Variants in NRXN3 observed in about 807,000 individuals in gnomAD.
NRXN3 encodes neurexin III.
Under a neutral mutation model 137.6 loss-of-function variants are expected in NRXN3, and 32 were observed. The ratio of observed to expected loss-of-function variants is 0.23; its 90% CI spans 0.18 to 0.31. NRXN3 has a LOEUF of 0.31. Ranked by LOEUF, NRXN3 falls within the 10% of genes least tolerant of loss-of-function variation. The pLI is 1.00. For synonymous variants in NRXN3, 798 were observed against 784.5 expected (o/e 1.02, Z -0.29); for missense variants, 1,574 against 2,062.5 (o/e 0.76, Z 4.59).
At chr14:79,651,107 C>T (rs1377131427) in intron 16 of NRXN3, among the ~76,000 whole-genome samples, 1 of 152,168 alleles carries the variant, frequency 6.6e-6, no homozygotes, top group Non-Finnish European at 1.5e-5. Flanking sequence ...TCTAGGACTT[C>T]AATTTGAGTC....
intron 15 of NRXN3, among the ~76,000 whole-genome samples, chr14:79,414,324 C>A (rs754395970): frequency 1.3e-5 from 2 of 152,114 alleles, no homozygotes; most frequent in Admixed American, 1.3e-4. Flanking sequence ...GTTCAGCTCT[C>A]CCTTTTCTTA....
At chr14:79,017,080 A>G (rs980664945) in intron 15 of NRXN3, among the ~76,000 whole-genome samples, 1 of 152,116 alleles carries the variant, frequency 6.6e-6, no homozygotes, top group African/African-American at 2.4e-5. Flanking sequence ...AAGCAATGTC[A>G]ATTTCTGTCC....
In NRXN3 at chr14:79,265,711, T is replaced by C. The variant is rs144950426; in HGVS notation, c.3263-201510T>C. 4.3e-3 allele frequency among the ~76,000 whole-genome samples: 662 copies of C among 152,224 alleles called. 5 individuals carry two copies. Among genetic ancestry groups the C allele is most frequent in the South Asian group, 0.017 (81 of 4,826 alleles). On this transcript the variant is annotated intron_variant, in intron 15 of 20. Transcript: ENST00000335750. ...CCGACAAGGTATACATTTTAGGAAATTACATCTATCAGGCACAATGACTCC... is the reference window on the plus strand; with the variant it reads ...CCGACAAGGTATACATTTTAGGAAACTACATCTATCAGGCACAATGACTCC...
chr14:78,357,514 G>A (rs916972340), intron 4 of NRXN3, among the ~76,000 whole-genome samples: 1 of 152,080 alleles, frequency 6.6e-6, no homozygotes, highest in Non-Finnish European at 1.5e-5. Context: ...TTTAGGCTTT[G>A]TTTCCCTACT....
At chr14:78,804,895 C>T (rs112861554) in intron 9 of NRXN3, among the ~76,000 whole-genome samples, 1,531 of 152,156 alleles carry the variant, frequency 0.01, 12 homozygotes, top group Admixed American at 0.017. Context: ...TATTTGGGTA[C>T]GTAGAATATG....
chr14:79,698,144 A>T (rs2098741951), intron 19 of NRXN3, among the ~76,000 whole-genome samples: 1 of 152,004 alleles, frequency 6.6e-6, no homozygotes, highest in African/African-American at 2.4e-5. Flanking sequence ...CTGGGTTGTT[A>T]TTCTTATTGT....
chr14:78,382,930 G>A lies in NRXN3; in HGVS notation c.757+85070G>A, dbSNP rs560143685. Among the ~76,000 whole-genome samples, 6 of 152,242 alleles carry A rather than the reference G, an allele frequency of 3.9e-5. No individual in the cohort carries two copies. The South Asian group carries it at 1.2e-3, about 32-fold the overall frequency. ...TGCAGGAGTGTGTGTGTGGGGAGGA[G>A]GGGGGCAATCTCCCTCTGCTTATTA... is the stretch of plus-strand genomic sequence containing the variant. On this transcript the variant is annotated intron_variant, in intron 4 of 20. Transcript: ENST00000335750.
At chr14:79,399,525 T>TCTGA (rs2095128887) in intron 15 of NRXN3, among the ~76,000 whole-genome samples, 1 of 152,192 alleles carries the variant, frequency 6.6e-6, no homozygotes, top group Non-Finnish European at 1.5e-5. Flanking sequence ...AGATGTGGTC[T>TCTGA]CTGACTCCAG....
intron 19 of NRXN3, among the ~76,000 whole-genome samples, chr14:79,800,349 T>C (rs1335458449): frequency 6.6e-6 from 1 of 152,162 alleles, no homozygotes; most frequent in African/African-American, 2.4e-5. Flanking sequence ...TTGGTTACAG[T>C]GAATACTAAA....
intron 1 of NRXN3, among the ~76,000 whole-genome samples, chr14:78,195,508 T>G (rs2061146750): frequency 6.6e-6 from 1 of 152,266 alleles, no homozygotes; most frequent in African/African-American, 2.4e-5. Flanking sequence ...CAGAAGTGAC[T>G]GCCAGGAAGG....
At chr14:78,272,872 A>G (rs551658299) in intron 2 of NRXN3, among the ~76,000 whole-genome samples, 2 of 152,256 alleles carry the variant, frequency 1.3e-5, no homozygotes, top group Non-Finnish European at 2.9e-5. Context: ...GATGATGCAT[A>G]TGACCTAGGG....
intron 15 of NRXN3, among the ~76,000 whole-genome samples, chr14:79,054,867 T>C (rs1462969837): frequency 1.3e-5 from 2 of 152,210 alleles, no homozygotes; most frequent in African/African-American, 4.8e-5. Context: ...TGAAGGCTAC[T>C]GGAATAGAAG....
chr14:78,737,725 A>G (rs1420962434), intron 8 of NRXN3, among the ~76,000 whole-genome samples: 1 of 152,142 alleles, frequency 6.6e-6, no homozygotes, highest in African/African-American at 2.4e-5. Context: ...CTCTCTTTCT[A>G]TTCAAGAGCA....
intron 10 of NRXN3, among the ~76,000 whole-genome samples, chr14:78,935,645 C>A (rs2099335408): frequency 6.6e-6 from 1 of 152,088 alleles, no homozygotes; most frequent in African/African-American, 2.4e-5. Flanking sequence ...TATTTTAAAT[C>A]CAGAGCTGGT....
At position 78,763,819 on chromosome 14, in the gene NRXN3, A is replaced by G. The variant is rs554946348; in HGVS notation, c.2045-39801A>G. ...ACCACCTACCTGGAGTAAGGATTCTATTGGGTGCAAGAAGCTCCCTTTGCT... is the reference window on the plus strand; with the variant it reads ...ACCACCTACCTGGAGTAAGGATTCTGTTGGGTGCAAGAAGCTCCCTTTGCT... On this transcript the variant is annotated intron_variant, in intron 8 of 20. Coordinates refer to ENST00000335750, the MANE Select transcript of NRXN3 (RefSeq NM_001330195.2). 1.2e-4 allele frequency among the ~76,000 whole-genome samples: 19 copies of G among 152,318 alleles called. No homozygotes were observed. The South Asian group carries it at 3.5e-3, about 28-fold the overall frequency.
At chr14:79,504,641 T>TATATATATA (rs1555491923) in intron 16 of NRXN3, among the ~76,000 whole-genome samples, 1 of 97,876 alleles carries the variant, frequency 1.0e-5, no homozygotes, top group African/African-American at 3.7e-5. Context: ...ATGAAGTTTT[T>TATATATATA]TATATATATA....
At chr14:79,545,692 T>C (rs1191070534) in intron 16 of NRXN3, among the ~76,000 whole-genome samples, 4 of 152,014 alleles carry the variant, frequency 2.6e-5, no homozygotes. Flanking sequence ...GTTGTTGTTT[T>C]TTCACCAGGA....
intron 15 of NRXN3, among the ~76,000 whole-genome samples, chr14:79,130,311 TG>T (rs1169599973): frequency 6.6e-6 from 1 of 152,198 alleles, no homozygotes; most frequent in Non-Finnish European, 1.5e-5. Context: ...TTGCAGCGGC[TG>T]GTATCAGTTG....
At chr14:78,794,323 A>C (rs957028414) in intron 8 of NRXN3, among the ~76,000 whole-genome samples, 1 of 152,230 alleles carries the variant, frequency 6.6e-6, no homozygotes, top group Non-Finnish European at 1.5e-5. Flanking sequence ...CGAAGGTTGC[A>C]GTGAGCCAAG....
Sources: allele counts gnomAD v4.1 joint callset (sites outside exome capture counted in the v4.1 genomes callset), GRCh38; gene constraint gnomAD v4.1.1; transcripts MANE v1.5; gene names NCBI Gene and HGNC (gene_info 2026-07-23, HGNC 2026-07-21).